Variants in RNF150 observed in about 807,000 individuals in gnomAD.
The protein encoded by RNF150 is ring finger protein 150.
Under a neutral mutation model 39.3 loss-of-function variants are expected in RNF150, and 24 were observed. The ratio of observed to expected loss-of-function variants is 0.61; its 90% CI spans 0.44 to 0.86. The LOEUF (loss-of-function observed/expected upper bound fraction) is 0.86, where lower values mean the gene tolerates loss of function less well. RNF150 is among the 40% of genes least tolerant of loss of function. RNF150 has a pLI of 0.00. For missense variants in RNF150, 502 were observed against 587.8 expected (o/e 0.85, Z 1.51); for synonymous variants, 255 against 227.3 (o/e 1.12, Z -1.10).
intron 1 of RNF150, among the ~76,000 whole-genome samples, chr4:141,129,550 A>G (rs181412958): frequency 4.4e-4 from 67 of 152,332 alleles, no homozygotes; most frequent in African/African-American, 1.4e-3. Context: ...TGGCTGCACA[A>G]CTCAGTCAAT....
At chr4:141,097,838 T>A (rs548472387) in intron 1 of RNF150, among the ~76,000 whole-genome samples, 1 of 152,304 alleles carries the variant, frequency 6.6e-6, no homozygotes, top group African/African-American at 2.4e-5. Context: ...TATTAAATCT[T>A]TGTTTGATAT....
intron 6 of RNF150, among the ~76,000 whole-genome samples, chr4:140,882,950 G>A (rs1380260347): frequency 6.6e-6 from 1 of 151,820 alleles, no homozygotes; most frequent in Non-Finnish European, 1.5e-5. Flanking sequence ...CATTTTCTAT[G>A]TTGTAGTTAT....
rs567109720 is a variant in RNF150, at chr4:141,083,600, C to G, written c.484+48725G>C. 8.5e-5 allele frequency among the ~76,000 whole-genome samples: 13 copies of G among 152,158 alleles called. No individual in the cohort carries two copies. In the South Asian group the frequency reaches 1.2e-3, roughly 15 times the overall value. The stretch of plus-strand genomic sequence containing the variant: ...TGAGTGTGAAGGGCAAAATGAGGAC[C>G]CTGATCAGTAGGAAACTGATGTCAC... On this transcript the variant is annotated intron_variant, in intron 1 of 6. Transcript: ENST00000515673.
At chr4:140,958,196 T>C (rs1259608185) in intron 2 of RNF150, among the ~76,000 whole-genome samples, 2 of 152,124 alleles carry the variant, frequency 1.3e-5, no homozygotes, top group Non-Finnish European at 2.9e-5. Flanking sequence ...ATGCAAATAA[T>C]GTGCCATTTC....
chr4:141,028,577 A>G (rs1352613048), intron 1 of RNF150, among the ~76,000 whole-genome samples: 2 of 152,170 alleles, frequency 1.3e-5, no homozygotes, highest in Non-Finnish European at 2.9e-5. Context: ...ACACTGAAAA[A>G]CAAAGAAAAG....
intron 4 of RNF150, among the ~76,000 whole-genome samples, chr4:140,936,575 T>A (rs187755302): frequency 6.6e-6 from 1 of 152,052 alleles, no homozygotes; most frequent in Admixed American, 6.6e-5. Context: ...TAGGGAAGGA[T>A]TAAAGTAAGG....
intron 4 of RNF150, among the ~76,000 whole-genome samples, chr4:140,929,595 TGAA>T (rs879937819): frequency 6.6e-6 from 1 of 152,060 alleles, no homozygotes. Flanking sequence ...CTCGATCTCC[TGAA>T]CTCGTGATCC....
intron 2 of RNF150, among the ~76,000 whole-genome samples, chr4:140,960,459 A>T (rs530943083): frequency 6.6e-6 from 1 of 152,282 alleles, no homozygotes; most frequent in South Asian, 2.1e-4. Context: ...ACCTGAGTTT[A>T]TGTTAATGAG....
chr4:140,923,466 A>G (rs1365877803), intron 5 of RNF150, among the ~76,000 whole-genome samples: 1 of 152,172 alleles, frequency 6.6e-6, no homozygotes, highest in Non-Finnish European at 1.5e-5. Flanking sequence ...AACAGTCAGG[A>G]AACAACAGGT....
chr4:141,143,660 C>T (rs759271106), intron 1 of RNF150, among the ~76,000 whole-genome samples: 3 of 152,180 alleles, frequency 2.0e-5, no homozygotes, highest in Admixed American at 1.3e-4. Flanking sequence ...TCCGGTCTGC[C>T]CCTGCCTTTT....
intron 4 of RNF150, among the ~76,000 whole-genome samples, chr4:140,946,637 C>T (rs973304145): frequency 2.5e-4 from 38 of 151,992 alleles, no homozygotes; most frequent in African/African-American, 8.5e-4. Context: ...CAGGCGAGTG[C>T]CACCATGTAC....
chr4:141,050,262 T>C lies in RNF150; in HGVS notation c.484+82063A>G, dbSNP rs1197636356. Among the ~76,000 whole-genome samples, 12 of 152,190 alleles carry C rather than the reference T, an allele frequency of 7.9e-5. No homozygotes were observed. The East Asian group carries it at 2.3e-3, about 29-fold the overall frequency. ...TTCCTCCCATGACATGTGGGAATTA[T>C]GGGAGTTACAATTCAAGATGAGATT... On this transcript the variant is annotated intron_variant, in intron 1 of 6. Transcript: ENST00000515673.
intron 1 of RNF150, among the ~76,000 whole-genome samples, chr4:141,189,965 T>C (rs1438004103): frequency 2.0e-5 from 3 of 152,146 alleles, no homozygotes; most frequent in African/African-American, 7.2e-5. Flanking sequence ...CTCCTGCAGG[T>C]AGCTTGGTGT....
intron 1 of RNF150, among the ~76,000 whole-genome samples, chr4:141,167,489 C>G (rs892979795): frequency 6.6e-6 from 1 of 151,998 alleles, no homozygotes; most frequent in Non-Finnish European, 1.5e-5. Flanking sequence ...ATAGCCAAGA[C>G]AATTTTAAAC....
At chr4:140,906,644 A>G (rs909360760) in intron 6 of RNF150, among the ~76,000 whole-genome samples, 1 of 152,210 alleles carries the variant, frequency 6.6e-6, no homozygotes, top group African/African-American at 2.4e-5. Flanking sequence ...TTTCATTTCA[A>G]CTGGCCAAGT....
At chr4:141,036,039 G>A (rs922810016) in intron 1 of RNF150, among the ~76,000 whole-genome samples, 1 of 152,178 alleles carries the variant, frequency 6.6e-6, no homozygotes. Context: ...ACAGTGGAAA[G>A]CCAGGAGGGC....
intron 1 of RNF150, among the ~76,000 whole-genome samples, chr4:141,074,051 G>C (rs1266888449): frequency 6.6e-6 from 1 of 152,092 alleles, no homozygotes; most frequent in Non-Finnish European, 1.5e-5. Flanking sequence ...GAAGGCAATG[G>C]AGGAAGGTAT....
intron 4 of RNF150, among the ~76,000 whole-genome samples, chr4:140,945,383 C>T (rs752843657): frequency 6.6e-5 from 10 of 151,788 alleles, no homozygotes; most frequent in African/African-American, 9.7e-5. Flanking sequence ...GTTAAAACAA[C>T]GCAATCTGTC....
chr4:141,027,912 G>GTTTTTTTTTTTTT lies in RNF150; in HGVS notation c.485-60052_485-60040dup, dbSNP rs749317137. Reference sequence around the variant, plus strand: ...TAGATAGTTAATGAGCTTGGAATTTGTTTTTTTTTTTTTGTTTTTTTTTTT... The same window carrying GTTTTTTTTTTTTT: ...TAGATAGTTAATGAGCTTGGAATTTGTTTTTTTTTTTTTTTTTTTTTTTTTTGTTTTTTTTTTT... On this transcript the variant is annotated intron_variant, in intron 1 of 6. Coordinates refer to ENST00000515673, the MANE Select transcript of RNF150 (RefSeq NM_020724.2). Among the ~76,000 whole-genome samples the GTTTTTTTTTTTTT allele has an allele frequency of 8.1e-4, 22 of 27,098 alleles. 5 individuals carry two copies. Among genetic ancestry groups the GTTTTTTTTTTTTT allele is most frequent in the South Asian group, 2.0e-3 (2 of 976 alleles). The allele number at this position is 27,098 out of a possible 152,430, so 17.8% of individuals were successfully genotyped here. A position where few individuals can be genotyped will look rare whatever the true frequency, so the allele number is the denominator to read the frequency against.
Sources: allele counts gnomAD v4.1 joint callset (sites outside exome capture counted in the v4.1 genomes callset), GRCh38; gene constraint gnomAD v4.1.1; transcripts MANE v1.5; gene names NCBI Gene and HGNC (gene_info 2026-07-23, HGNC 2026-07-21).